BTG4: variants seen among roughly 807,000 people sequenced by gnomAD.
BTG4 encodes the protein protein BTG4.
In BTG4, 10 loss-of-function variants were observed where a neutral mutation model predicts 19.3. That is an observed-to-expected ratio of 0.52 (90% CI 0.32 to 0.88). The LOEUF is 0.88. Ranked by LOEUF, BTG4 falls within the 40% of genes least tolerant of loss-of-function variation. The pLI, the probability that BTG4 is intolerant of heterozygous loss-of-function variation, is 0.04. For synonymous variants in BTG4, 91 were observed against 95.7 expected (o/e 0.95, Z 0.29); for missense variants, 238 against 281.9 (o/e 0.84, Z 1.11).
At chr11:111,478,988 G>C (rs745892689) in intron 5 of BTG4, among the ~76,000 whole-genome samples, 1 of 151,634 alleles carries the variant, frequency 6.6e-6, no homozygotes, top group Non-Finnish European at 1.5e-5. Context: ...AATTTGGAAA[G>C]AGATATAACC....
chr11:111,443,827 G>T, the BTG4 span, among the ~76,000 whole-genome samples: 1 of 152,204 alleles, frequency 6.6e-6, no homozygotes, highest in African/African-American at 2.4e-5. Context: ...GTGGTCTTTA[G>T]GTATGGGCAT....
At chr11:111,402,649 C>T in the BTG4 span, among the ~76,000 whole-genome samples, 1 of 152,154 alleles carries the variant, frequency 6.6e-6, no homozygotes, top group Non-Finnish European at 1.5e-5. Flanking sequence ...ATGTGCCTTC[C>T]AGATCCTCTC....
chr11:111,420,854 T>C, the BTG4 span, among the ~76,000 whole-genome samples: 1 of 152,202 alleles, frequency 6.6e-6, no homozygotes, highest in Admixed American at 6.5e-5. Context: ...GAAAAATGAA[T>C]CAATTATACA....
the BTG4 span, chr11:111,455,763 TC>T: frequency 2.2e-6 from 1 of 447,604 alleles, no homozygotes; most frequent in Non-Finnish European, 4.6e-6. Context: ...GCAGGGCAGT[TC>T]CCCAGCTGGA....
chr11:111,408,434 GA>G, the BTG4 span, among the ~76,000 whole-genome samples: 2 of 152,154 alleles, frequency 1.3e-5, no homozygotes, highest in African/African-American at 4.8e-5. Flanking sequence ...TCACTGCGGG[GA>G]AAACCAAGAG....
chr11:111,478,688 C>T lies in BTG4; in HGVS notation c.663-11007G>A, dbSNP rs370190930. On this transcript the variant is annotated intron_variant, in intron 5 of 5. Transcript: ENST00000356018. The stretch of plus-strand genomic sequence containing the variant: ...AAAATCGAAGACAGAACTAAATGAA[C>T]GTTTTAGAAATGAAAAATGTAAAAA... Among the ~76,000 whole-genome samples, 162 of 152,052 alleles carry T rather than the reference C, an allele frequency of 1.1e-3. 1 individual carries two copies. Among genetic ancestry groups the T allele is most frequent in the Non-Finnish European group, 1.9e-3 (130 of 67,970 alleles).
chr11:111,417,192 T>G, the BTG4 span: 1 of 152,234 alleles, frequency 6.6e-6, no homozygotes, highest in Non-Finnish European at 1.5e-5. Flanking sequence ...CTACAAGGAC[T>G]CTCCTTTGTC....
chr11:111,404,403 G>A, the BTG4 span, among the ~76,000 whole-genome samples: 2 of 152,196 alleles, frequency 1.3e-5, no homozygotes, highest in South Asian at 4.1e-4. Context: ...AGGAGAAAGG[G>A]CTGCGGCCCA....
chr11:111,456,055 T>C, the BTG4 span, among the ~76,000 whole-genome samples: 1 of 152,138 alleles, frequency 6.6e-6, no homozygotes, highest in African/African-American at 2.4e-5. This position sits in a 1 kb window ranked among gnomAD's most constrained non-coding sequence, Gnocchi z 4.2. Flanking sequence ...ATGCAATGCC[T>C]GCCCAAAAGA....
intron 5 of BTG4, among the ~76,000 whole-genome samples, chr11:111,474,161 G>C (rs919805465): frequency 1.3e-5 from 2 of 152,114 alleles, no homozygotes; most frequent in Non-Finnish European, 2.9e-5. Context: ...TTTATTTAAA[G>C]TTATTGCCAG....
At chr11:111,492,953 G>A (rs746259372), downstream of BTG4, among the ~76,000 whole-genome samples, 18 of 152,066 alleles carry the variant, frequency 1.2e-4, no homozygotes, top group Admixed American at 9.2e-4. Flanking sequence ...TGAGACCAGC[G>A]TGGCCAACAT....
intron 1 of BTG4, among the ~76,000 whole-genome samples, chr11:111,510,167 C>G (rs1009830483): frequency 2.0e-5 from 3 of 152,060 alleles, no homozygotes; most frequent in African/African-American, 7.2e-5. Flanking sequence ...GCCTTGACCT[C>G]CCAAAGTGCT....
intron 5 of BTG4, among the ~76,000 whole-genome samples, chr11:111,482,905 A>G (rs1328878202): frequency 6.6e-6 from 1 of 152,138 alleles, no homozygotes; most frequent in African/African-American, 2.4e-5. Context: ...ATCATGATCT[A>G]TAAGAGAAAA....
At chr11:111,397,380 C>T in the BTG4 span, among the ~76,000 whole-genome samples, 1 of 152,162 alleles carries the variant, frequency 6.6e-6, no homozygotes, top group South Asian at 2.1e-4. Flanking sequence ...CATATTCCCC[C>T]ACACTTTCTA....
intron 5 of BTG4, among the ~76,000 whole-genome samples, chr11:111,480,767 C>T (rs1864692438): frequency 1.3e-5 from 2 of 151,548 alleles, no homozygotes; most frequent in South Asian, 4.2e-4. Context: ...GAAAATACAA[C>T]ATATCAAAAT....
the BTG4 span, among the ~76,000 whole-genome samples, chr11:111,439,179 T>C: frequency 2.0e-5 from 3 of 152,184 alleles, no homozygotes; most frequent in Non-Finnish European, 4.4e-5. Flanking sequence ...CTCAGCTGAG[T>C]TTAAAGTTTA....
chr11:111,460,361 C>A, the BTG4 span: 2 of 152,562 alleles, frequency 1.3e-5, no homozygotes, highest in Non-Finnish European at 2.9e-5. Flanking sequence ...AGTGAGAGAC[C>A]CTGGTCTGGT....
upstream of BTG4, chr11:111,512,976 T>C (rs1443611891): frequency 6.4e-6 from 3 of 471,428 alleles, no homozygotes; most frequent in Non-Finnish European, 1.3e-5. Context: ...CTGATTGTAC[T>C]GTGGTGGTTA....
intron 1 of BTG4, among the ~76,000 whole-genome samples, chr11:111,501,432 G>T (rs1405261946): frequency 6.6e-6 from 1 of 152,170 alleles, no homozygotes; most frequent in Non-Finnish European, 1.5e-5. Context: ...ATATTAGGTA[G>T]TGTGCTGGCT....
Sources: allele counts gnomAD v4.1 joint callset (sites outside exome capture counted in the v4.1 genomes callset), GRCh38; gene constraint gnomAD v4.1.1; non-coding constraint Gnocchi (gnomAD v3.1); transcripts MANE v1.5; gene names NCBI Gene and HGNC (gene_info 2026-07-23, HGNC 2026-07-21).